TBRG4: variants seen among roughly 807,000 people sequenced by gnomAD.
TBRG4 encodes FAST kinase domain-containing protein 4.
In TBRG4, 43 loss-of-function variants were observed where a neutral mutation model predicts 65.6. The observed-to-expected ratio is 0.66, with a 90% confidence interval of 0.51 to 0.85. TBRG4 has a LOEUF of 0.85. TBRG4 is among the 40% of genes least tolerant of loss of function. TBRG4 has a pLI of 0.00. For synonymous variants in TBRG4, 366 were observed against 341.4 expected (o/e 1.07, Z -0.79); for missense variants, 709 against 787.9 (o/e 0.90, Z 1.20).
chr7:45,103,236 C>A (rs564007900), intron 6 of TBRG4, 97 bp downstream of exon 6: 36 of 1,035,088 alleles, frequency 3.5e-5, no homozygotes, highest in Middle Eastern at 4.0e-4. Context: ...GCCCCTCCCG[C>A]CTCCACCTAG....
intron 2 of TBRG4, chr7:45,107,509 T>C (rs1584033709): frequency 6.6e-6 from 1 of 152,236 alleles, no homozygotes; most frequent in Admixed American, 6.5e-5. Flanking sequence ...CTCTCAACAC[T>C]GAACCCTCAG....
chr7:45,102,233 A>G (rs1201327223), intron 7 of TBRG4, 114 bp downstream of exon 7: 3 of 1,552,790 alleles, frequency 1.9e-6, no homozygotes, highest in Non-Finnish European at 1.7e-6. Context: ...GAGGATGGAG[A>G]GCGAGGGGGA....
Position 45,104,631 on chromosome 7 carries a change from A to T in TBRG4, c.814T>A (p.Ser272Thr), listed in dbSNP as rs1584029357. 6.2e-7 allele frequency: 1 copy of T among 1,613,858 alleles called. No homozygotes were observed. The highest frequency in any genetic ancestry group is 1.3e-5 in the African/African-American group (1 of 75,062). ...GAGATGGCCCGCAGCAAGGGCACGG[A>T]CCGCCGGCTCTGAGCTGCCAGCATC... ...LVMLAAQSRRSVPLLRAISYH... is the reference protein window; with the variant it reads ...LVMLAAQSRRTVPLLRAISYH... The change falls in exon 4 of 11, where the codon TCC becomes ACC. Residue 272 changes from serine to threonine, a missense_variant. By Grantham distance (58) the Ser-to-Thr change is moderately conservative (BLOSUM62 1). Coordinates refer to ENST00000258770, the MANE Select transcript of TBRG4 (RefSeq NM_004749.4).
At chr7:45,102,107 A>G in intron 7 of TBRG4, 37 bp from the exon 8 acceptor site, 1 of 1,555,704 alleles carries the variant, frequency 6.4e-7, no homozygotes, top group Non-Finnish European at 8.6e-7. Context: ...AGGTGGGCCT[A>G]CGGCCAGAGA....
chr7:45,105,012 A>G, intron 3 of TBRG4: 1 of 731,216 alleles, frequency 1.4e-6, no homozygotes, highest in Non-Finnish European at 2.5e-6. Context: ...CCGCTATGAC[A>G]GAAACGGGCA....
At chr7:45,105,898 C>A (rs1467975020) in intron 2 of TBRG4, 134 bp from the exon 3 acceptor site, 2 of 1,139,312 alleles carry the variant, frequency 1.8e-6, no homozygotes, top group South Asian at 2.6e-5. Flanking sequence ...CAGTTCCCCA[C>A]TCCATTGTAA....
intron 3 of TBRG4, chr7:45,104,962 G>A (rs574106950): frequency 1.3e-6 from 1 of 763,390 alleles, no homozygotes. Context: ...CAGGGCCCAT[G>A]AGCTGTGGAG....
At position 45,110,276 on chromosome 7, in the gene TBRG4, C is replaced by T. The variant is rs558504680; in HGVS notation, c.-50-989G>A. Among the ~76,000 whole-genome samples, 55 of 152,328 alleles carry T rather than the reference C, an allele frequency of 3.6e-4. No individual in the cohort carries two copies. In the South Asian group the frequency reaches 5.4e-3, roughly 15 times the overall value. On this transcript the variant is annotated intron_variant, in intron 1 of 10. Transcript: ENST00000258770. ...CTTGTTATCTGGGTCTCCTCCTCCC[C>T]CTATAAGACCCTTTAAAATACATCT...
chr7:45,104,304 TCACCCAGCAGCTC>T (rs746465599), intron 4 of TBRG4, 48 bp from the exon 5 acceptor site: 1 of 1,611,736 alleles, frequency 6.2e-7, no homozygotes, highest in East Asian at 2.2e-5. Flanking sequence ...GAGTCAGCAA[TCACCCAGCAGCTC>T]CACCCCACCT....
intron 2 of TBRG4, among the ~76,000 whole-genome samples, chr7:45,108,334 A>G (rs1417060357): frequency 1.3e-5 from 2 of 152,244 alleles, no homozygotes; most frequent in Non-Finnish European, 2.9e-5. Flanking sequence ...TGCCCTGCTC[A>G]GTGCCACACA....
chr7:45,105,766 T>C lies in TBRG4; in HGVS notation c.412-2A>G, dbSNP rs1784933053. 2.5e-6 allele frequency: 4 copies of C among 1,600,100 alleles called. No homozygotes were observed. The highest frequency in any genetic ancestry group is 3.4e-6 in the Non-Finnish European group (4 of 1,171,286). On this transcript the variant is annotated splice_acceptor_variant, in intron 2 of 10. Transcript: ENST00000258770. LOFTEE classifies it high-confidence loss of function. ...GGTACCATGCCAGACCGAGGCAATC[T>C]AGGCAGAGAAAGGACACAGGAGAAA...
intron 5 of TBRG4, chr7:45,103,741 CG>C (rs1443419023): frequency 2.1e-5 from 11 of 517,858 alleles, no homozygotes; most frequent in African/African-American, 1.5e-4. Flanking sequence ...CACACATAAA[CG>C]TAACTGCAGG....
In TBRG4 at chr7:45,111,663, C is replaced by G. The variant is rs148344719; in HGVS notation, c.-71G>C. On this transcript the variant is annotated 5_prime_UTR_variant, in exon 1 of 11. Transcript: ENST00000258770. Reference sequence around the variant, plus strand: ...CCTACGCAGCGAGCACCACCGCTGACCTCCATCCGCCGCCCTAACTGTCCC... The same window carrying G: ...CCTACGCAGCGAGCACCACCGCTGAGCTCCATCCGCCGCCCTAACTGTCCC... 6.2e-6 allele frequency: 8 copies of G among 1,289,490 alleles called. No homozygotes were observed. The Admixed American group carries it at 6.9e-5, about 11-fold the overall frequency. 79.9% of individuals were successfully genotyped at this position (1,289,490 alleles called of 1,614,324 possible).
intron 1 of TBRG4, 132 bp downstream of exon 1, chr7:45,111,511 G>A: frequency 9.1e-7 from 1 of 1,095,576 alleles, no homozygotes; most frequent in Non-Finnish European, 1.2e-6. Flanking sequence ...AGACGGCCAG[G>A]CCCACGGCAT....
chr7:45,102,641 C>G lies in TBRG4; in HGVS notation c.1177-150G>C, dbSNP rs1784805874. On this transcript the variant is annotated intron_variant, in intron 6 of 10. Transcript: ENST00000258770. ...GGTAACAAGAGGCAGAACCCTGGCC[C>G]TTGGTGAGGCCTGGAGCAATCCTGG... 4 of 1,061,158 alleles carry G rather than the reference C, an allele frequency of 3.8e-6. No individual in the cohort carries two copies. In the Admixed American group the frequency reaches 8.2e-5, roughly 22 times the overall value. The allele number at this position is 1,061,158 out of a possible 1,614,324, so 65.7% of individuals were successfully genotyped here. A position where few individuals can be genotyped will look rare whatever the true frequency, so the allele number is the denominator to read the frequency against.
chr7:45,104,333 T>C, intron 4 of TBRG4, 77 bp from the exon 5 acceptor site: 35 of 1,601,692 alleles, frequency 2.2e-5, no homozygotes, highest in Non-Finnish European at 3.0e-5. Context: ...CACCTCAGCC[T>C]CGAGGTCTAG....
intron 5 of TBRG4, 31 bp downstream of exon 5, chr7:45,104,068 T>C: frequency 1.9e-6 from 3 of 1,550,226 alleles, no homozygotes; most frequent in Non-Finnish European, 2.6e-6. Context: ...GGAAGCCAGC[T>C]TCTCTGAGTT....
intron 1 of TBRG4, among the ~76,000 whole-genome samples, chr7:45,109,990 A>T (rs1385543789): frequency 6.6e-6 from 1 of 151,330 alleles, no homozygotes; most frequent in Non-Finnish European, 1.5e-5. Context: ...AAAAAAAAAA[A>T]ATTCACATTC....
At chr7:45,102,254 T>C in intron 7 of TBRG4, 93 bp downstream of exon 7, 1 of 1,577,450 alleles carries the variant, frequency 6.3e-7, no homozygotes, top group Non-Finnish European at 8.6e-7. Context: ...GGGAGAGCCC[T>C]GGCCTCCATC....
Sources: gnomAD v4.1 joint callset for allele counts (sites outside exome capture counted in the v4.1 genomes callset) on GRCh38, gnomAD v4.1.1 for gene constraint, MANE v1.5 for transcripts, NCBI Gene and HGNC (gene_info 2026-07-23, HGNC 2026-07-21) for gene names.